The following REL variants were observed in gnomAD, a reference collection of about 807,000 sequenced individuals.
The protein encoded by REL is proto-oncogene c-Rel.
In REL, 15 loss-of-function variants were observed where a neutral mutation model predicts 45.9. The observed-to-expected ratio is 0.33, with a 90% confidence interval of 0.22 to 0.50. The LOEUF is 0.50. REL is among the 20% of genes least tolerant of loss of function. The pLI, the probability that REL is intolerant of heterozygous loss-of-function variation, is 0.98. For synonymous variants in REL, 239 were observed against 242.1 expected (o/e 0.99, Z 0.12); for missense variants, 601 against 715.2 (o/e 0.84, Z 1.82).
rs2103990919 is a variant in REL at position 60,922,608 on chromosome 2, G to A, written c.*73G>A. Reference sequence around the variant, plus strand: ...GCAGCATTTTGTATTTGTCTAACTGGGGATATAATACTATATTTATACTGT... The same window carrying A: ...GCAGCATTTTGTATTTGTCTAACTGAGGATATAATACTATATTTATACTGT... On this transcript the variant is annotated 3_prime_UTR_variant, in exon 10 of 10. Transcript: ENST00000394479. The A allele has an allele frequency of 7.0e-7, 1 of 1,430,578 alleles. No individual in the cohort carries two copies. The highest frequency in any genetic ancestry group is 9.2e-7 in the Non-Finnish European group (1 of 1,084,190). The allele number at this position is 1,430,578 out of a possible 1,614,324, so 88.6% of individuals were successfully genotyped here. A position where few individuals can be genotyped will look rare whatever the true frequency, so the allele number is the denominator to read the frequency against.
chr2:60,918,106 G>A (rs2103980968), intron 5 of REL, 85 bp from the exon 6 acceptor site: 1 of 758,126 alleles, frequency 1.3e-6, no homozygotes, highest in Non-Finnish European at 2.2e-6. Flanking sequence ...TTCTGTGAAT[G>A]CTTTTCCTCA....
At position 60,926,349 on chromosome 2, in the gene REL, T is replaced by C. The variant is rs920993273; in HGVS notation, c.*3814T>C. 23 of 232,234 alleles carry C rather than the reference T, an allele frequency of 9.9e-5. No individual in the cohort carries two copies. The highest frequency in any genetic ancestry group is 4.9e-4 in the African/African-American group (22 of 45,300). The allele number at this position is 232,234 out of a possible 1,614,324, so 14.4% of individuals were successfully genotyped here. On this transcript the variant is annotated 3_prime_UTR_variant, in exon 10 of 10. Coordinates refer to ENST00000394479, the MANE Select transcript of REL (RefSeq NM_001291746.2). Reference sequence around the variant, plus strand: ...TCCCAGTTATTCCTTAGCCCAGCCATCTCTGTCTTTAGCTCCTACAATTTT... The same window carrying C: ...TCCCAGTTATTCCTTAGCCCAGCCACCTCTGTCTTTAGCTCCTACAATTTT...
Position 60,916,857 on chromosome 2 carries a change from A to G in REL, c.395-20A>G. 2 of 1,596,780 alleles carry G rather than the reference A, an allele frequency of 1.3e-6. No homozygotes were observed. Among genetic ancestry groups the G allele is most frequent in the Non-Finnish European group, 1.7e-6 (2 of 1,168,836 alleles). The stretch of plus-strand genomic sequence containing the variant: ...GTCTATGTGACTATTACATTTAAAA[A>G]ATTTTTTTTTTCTATTCAGTCCCTG... On this transcript the variant is annotated intron_variant, in intron 4 of 9. Transcript: ENST00000394479.
At chr2:60,896,840 C>T (rs1465019276) in intron 3 of REL, among the ~76,000 whole-genome samples, 1 of 152,136 alleles carries the variant, frequency 6.6e-6, no homozygotes. Flanking sequence ...CCTAATAATG[C>T]TCTTTATGGC....
At chr2:60,898,390 A>G (rs1419700302) in intron 3 of REL, among the ~76,000 whole-genome samples, 1 of 151,940 alleles carries the variant, frequency 6.6e-6, no homozygotes, top group African/African-American at 2.4e-5. Context: ...TAATTTTTAT[A>G]CTCCACTCAC....
Position 60,922,289 on chromosome 2 carries a change from G to A in REL, c.1518G>A (p.Gln506=). The change falls in exon 10 of 10, where the codon CAG becomes CAA. Residue 506 remains glutamine (Q), a synonymous_variant. Coordinates refer to ENST00000394479, the MANE Select transcript of REL (RefSeq NM_001291746.2). ...CAAGAGACTTGAGACAGCTCCATCA[G>A]ATGTCCTCTTCCAGTATGTCAGCAG... ...LDPRDLRQLH[Q]MSSSSMSAGA... The A allele has an allele frequency of 6.2e-7, 1 of 1,614,124 alleles. No individual in the cohort carries two copies. Among genetic ancestry groups the A allele is most frequent in the Non-Finnish European group, 8.5e-7 (1 of 1,180,002 alleles).
At position 60,922,132 on chromosome 2, in the gene REL, C is replaced by A. The variant is rs1270064799; in HGVS notation, c.1361C>A (p.Ser454Tyr). 1 of 1,614,164 alleles carries A rather than the reference C, an allele frequency of 6.2e-7. No homozygotes were observed. The highest frequency in any genetic ancestry group is 8.5e-7 in the Non-Finnish European group (1 of 1,180,018). ...SMPSADLYGI[S>Y]DPNMLSNCSV... ...CCATCAGCAGATTTATATGGTATTT[C>A]TGATCCCAACATGCTGTCTAATTGT... is the stretch of plus-strand genomic sequence containing the variant. Residue 454 changes from serine to tyrosine, a missense_variant, in exon 10 of 10, where the codon TCT becomes TAT. By Grantham distance (144) the Ser-to-Tyr change is moderately radical. Around this residue, in one of 4 missense-constraint regions of REL, gnomAD observed 334 missense variants for 333.1 expected, o/e 1.00. Transcript: ENST00000394479.
At position 60,929,116 on chromosome 2, in the gene REL, A is replaced by G. The variant is rs1674332369; in HGVS notation, c.*6581A>G. 3 of 151,422 alleles carry G rather than the reference A, an allele frequency of 2.0e-5. No homozygotes were observed. The South Asian group carries it at 6.2e-4, about 31-fold the overall frequency. 9.4% of individuals were successfully genotyped at this position (151,422 alleles called of 1,614,324 possible). On this transcript the variant is annotated 3_prime_UTR_variant, in exon 10 of 10. Coordinates refer to ENST00000394479, the MANE Select transcript of REL (RefSeq NM_001291746.2). ...CAGAGAAATGCAAATCAAAACCACA[A>G]TGAGATACCATCTCACACCAGTTAG...
chr2:60,927,787 T>A lies in REL; in HGVS notation c.*5252T>A, dbSNP rs1467805964. On this transcript the variant is annotated 3_prime_UTR_variant, in exon 10 of 10. Coordinates refer to ENST00000394479, the MANE Select transcript of REL (RefSeq NM_001291746.2). ...ATTTTAAATGTACAGCTTAATTAATTTTTATGTATGTTAACACCCATGTCA... is the reference window on the plus strand; with the variant it reads ...ATTTTAAATGTACAGCTTAATTAATATTTATGTATGTTAACACCCATGTCA... 2 of 228,364 alleles carry A rather than the reference T, an allele frequency of 8.8e-6. No homozygotes were observed. The highest frequency in any genetic ancestry group is 4.4e-5 in the African/African-American group (2 of 45,042). 14.1% of individuals were successfully genotyped at this position (228,364 alleles called of 1,614,324 possible). A position where few individuals can be genotyped will look rare whatever the true frequency, so the allele number is the denominator to read the frequency against.
At position 60,930,726 on chromosome 2, in the gene REL, G is replaced by A. The variant is rs1485362015; in HGVS notation, c.*8191G>A. 6.6e-6 allele frequency: 1 copy of A among 152,314 alleles called. No individual in the cohort carries two copies. Among genetic ancestry groups the A allele is most frequent in the African/African-American group, 2.4e-5 (1 of 41,450 alleles). 9.4% of individuals were successfully genotyped at this position (152,314 alleles called of 1,614,324 possible). On this transcript the variant is annotated 3_prime_UTR_variant, in exon 10 of 10. Coordinates refer to ENST00000394479, the MANE Select transcript of REL (RefSeq NM_001291746.2). ...ATCACTCTATTTATTCTAAATGTCT[G>A]TGGCTTTAGGAAAATACCACCAGCT...
Position 60,906,913 on chromosome 2 carries a change from A to ATATATATT in REL, c.394+5831_394+5832insATATATTT, listed in dbSNP as rs1311506982. Among the ~76,000 whole-genome samples the ATATATATT allele has an allele frequency of 2.6e-3, 276 of 104,298 alleles. 1 individual carries two copies. The highest frequency in any genetic ancestry group is 4.0e-3 in the Non-Finnish European group (223 of 55,450). The allele number at this position is 104,298 out of a possible 152,430, so 68.4% of individuals were successfully genotyped here. A position where few individuals can be genotyped will look rare whatever the true frequency, so the allele number is the denominator to read the frequency against. The stretch of plus-strand genomic sequence containing the variant: ...TGTGTGTATATATATATATATATAT[A>ATATATATT]TTTTTTTTTTTTTTTTCTTTTCCGA... On this transcript the variant is annotated intron_variant, in intron 4 of 9. Coordinates refer to ENST00000394479, the MANE Select transcript of REL (RefSeq NM_001291746.2).
Position 60,922,023 on chromosome 2 carries a change from C to T in REL, c.1252C>T (p.Pro418Ser). Residue 418 changes from proline (P) to serine (S), a missense_variant, in exon 10 of 10, where the codon CCT (proline) becomes TCT (serine). Physicochemically the swap from Pro to Ser is moderately conservative, Grantham distance 74. Coordinates refer to ENST00000394479, the MANE Select transcript of REL (RefSeq NM_001291746.2). ...AGGTATCCCACCATTCCTGAGAATA[C>T]CTGTTGGGAATGATTTAAATGCTTC... ...SQGIPPFLRI[P>S]VGNDLNASNA... 1.2e-6 allele frequency: 2 copies of T among 1,614,172 alleles called. No homozygotes were observed. Among genetic ancestry groups the T allele is most frequent in the Non-Finnish European group, 1.7e-6 (2 of 1,180,002 alleles).
intron 9 of REL, among the ~76,000 whole-genome samples, chr2:60,921,405 G>A (rs1460317447): frequency 6.6e-6 from 1 of 151,796 alleles, no homozygotes; most frequent in African/African-American, 2.4e-5. Flanking sequence ...GATGATTTTG[G>A]CTATTTGGAA....
rs950840829 is a variant in REL at position 60,910,134 on chromosome 2, G to A, written c.395-6743G>A. Among the ~76,000 whole-genome samples, 4 of 151,938 alleles carry A rather than the reference G, an allele frequency of 2.6e-5. No homozygotes were observed. In the East Asian group the frequency reaches 7.8e-4, roughly 30 times the overall value. ...ACCTACTGATTTTAGGGTTAAAGGA[G>A]TGATATTTCTTTCTAAAGGTAGATT... is the stretch of plus-strand genomic sequence containing the variant. On this transcript the variant is annotated intron_variant, in intron 4 of 9. Transcript: ENST00000394479.
chr2:60,916,214 A>G (rs545280395), intron 4 of REL, among the ~76,000 whole-genome samples: 1 of 152,214 alleles, frequency 6.6e-6, no homozygotes, highest in African/African-American at 2.4e-5. Flanking sequence ...GGAGTTTGAG[A>G]CCACCCTGGG....
At position 60,918,209 on chromosome 2, in the gene REL, A is replaced by G; in HGVS notation, c.554A>G (p.Glu185Gly). The G allele has an allele frequency of 6.2e-7, 1 of 1,602,508 alleles. No homozygotes were observed. The highest frequency in any genetic ancestry group is 8.5e-7 in the Non-Finnish European group (1 of 1,172,898). Residue 185 changes from glutamate (E) to glycine (G), a missense_variant, in exon 6 of 10, where the codon GAA becomes GGA. Transcript: ENST00000394479. The part of the protein sequence containing the change: ...IYDNRAPNTA[E>G]LRICRVNKNC... ...TATTTAGGTGCTCCAAATACTGCAG[A>G]ATTAAGGATTTGTCGTGTAAACAAG...
intron 2 of REL, 86 bp downstream of exon 2, chr2:60,891,911 C>T: frequency 3.2e-6 from 4 of 1,253,990 alleles, no homozygotes; most frequent in Non-Finnish European, 4.3e-6. Context: ...CCAGTTTCTT[C>T]ACAGTCATCT....
In REL at chr2:60,900,980, T is replaced by C. The variant is rs1342541809; in HGVS notation, c.303-12T>C. Reference sequence around the variant, plus strand: ...TATAATGCAGTTTTGAATATTGTTTTTTTCCTGCTAGTTTCCAAAATTTGG... The same window carrying C: ...TATAATGCAGTTTTGAATATTGTTTCTTTCCTGCTAGTTTCCAAAATTTGG... On this transcript the variant is annotated splice_polypyrimidine_tract_variant and intron_variant, in intron 3 of 9. Transcript: ENST00000394479. 1 of 1,596,714 alleles carries C rather than the reference T, an allele frequency of 6.3e-7. No individual in the cohort carries two copies. The highest frequency in any genetic ancestry group is 1.1e-5 in the South Asian group (1 of 87,368).
intron 1 of REL, 112 bp downstream of exon 1, chr2:60,881,962 T>C: frequency 1.5e-6 from 1 of 653,784 alleles, no homozygotes; most frequent in Non-Finnish European, 2.3e-6. Context: ...GTTCTGTCTT[T>C]AAAATCTCAT....
Sources: allele counts gnomAD v4.1 joint callset (sites outside exome capture counted in the v4.1 genomes callset), GRCh38; gene constraint gnomAD v4.1.1; regional missense constraint gnomAD v4.1.1; transcripts MANE v1.5; gene names NCBI Gene and HGNC (gene_info 2026-07-23, HGNC 2026-07-21).